Variants in WDR4 observed in about 807,000 individuals in gnomAD.
WDR4 encodes the protein WDR4 tRNA N7-guanosine methyltransferase non-catalytic subunit, also known as tRNA (guanine-N(7)-)-methyltransferase non-catalytic subunit WDR4.
WDR4 carries 47 observed loss-of-function variants against 48.6 expected under a neutral mutation model. The observed-to-expected ratio is 0.97, with a 90% CI of 0.77 to 1.23. The LOEUF is 1.23. Among genes scored for constraint, WDR4 ranks in the 50% most tolerant of loss-of-function variants. WDR4 has a pLI of 0.00. For synonymous variants in WDR4, 268 were observed against 230.0 expected, an observed-to-expected ratio of 1.17 and a Z score of -1.49; for missense variants, 606 against 551.6, an observed-to-expected ratio of 1.10 and a Z score of -0.99.
the WDR4 span, among the ~76,000 whole-genome samples, chr21:42,888,826 G>A: frequency 2.8e-3 from 419 of 151,222 alleles, 4 homozygotes; most frequent in African/African-American, 9.5e-3. Flanking sequence ...TCTGCCTCCC[G>A]AGTAGCTGGG....
chr21:42,859,094 C>G (rs978795427), intron 6 of WDR4, among the ~76,000 whole-genome samples: 1 of 152,202 alleles, frequency 6.6e-6, no homozygotes, highest in East Asian at 1.9e-4. Flanking sequence ...TGCTGGGACA[C>G]AGAAGCTGTA....
Position 42,850,137 on chromosome 21 carries a change from TCTAG to T in WDR4, c.1147_1150del (p.Leu383ArgfsTer20). ...GGGACTCCGGCGCCGCTGCTTCTTC[TCTAG>T]CTGCTGCTGCAGTCTCTCCTCTTTC... On this transcript the variant is annotated frameshift_variant, in exon 11 of 11. Coordinates refer to ENST00000398208, the MANE Select transcript of WDR4 (RefSeq NM_018669.6). LOFTEE classifies it low-confidence loss of function (END_TRUNC). 1 of 1,614,110 alleles carries T rather than the reference TCTAG, an allele frequency of 6.2e-7. No individual in the cohort carries two copies. The highest frequency in any genetic ancestry group is 2.2e-5 in the East Asian group (1 of 44,878).
chr21:42,880,822 C>T (rs1466862041), upstream of WDR4, among the ~76,000 whole-genome samples: 1 of 152,158 alleles, frequency 6.6e-6, no homozygotes, highest in Non-Finnish European at 1.5e-5. Context: ...GTTCTGTCCA[C>T]ATTTTGGCAG....
At chr21:42,874,936 C>T (rs910008252) in intron 2 of WDR4, among the ~76,000 whole-genome samples, 20 of 152,272 alleles carry the variant, frequency 1.3e-4, no homozygotes, top group Admixed American at 1.2e-3. Context: ...ACACTCCCTC[C>T]CCTTCTGAAA....
At chr21:42,865,833 T>A (rs549081340) in intron 3 of WDR4, among the ~76,000 whole-genome samples, 1 of 151,136 alleles carries the variant, frequency 6.6e-6, no homozygotes. Context: ...TAACCACCCA[T>A]CTCCACACCC....
upstream of WDR4, chr21:42,883,748 G>C (rs1427740408): frequency 6.5e-6 from 1 of 153,596 alleles, no homozygotes; most frequent in Non-Finnish European, 1.5e-5. Flanking sequence ...TTCAGAAGGA[G>C]CGTGGCCCAG....
chr21:42,855,381 C>T (rs1400622966), intron 7 of WDR4, among the ~76,000 whole-genome samples: 3 of 152,206 alleles, frequency 2.0e-5, no homozygotes, highest in African/African-American at 7.2e-5. Flanking sequence ...CCCACCCCTG[C>T]CCCACCTGGC....
At chr21:42,877,196 T>A (rs1196393238) in intron 1 of WDR4, among the ~76,000 whole-genome samples, 1 of 137,144 alleles carries the variant, frequency 7.3e-6, no homozygotes, top group African/African-American at 2.8e-5. Context: ...CAGGCTGGAG[T>A]GCAAGGGCAT....
In WDR4 at chr21:42,868,199, G is replaced by C. The variant is rs567709177; in HGVS notation, c.297-4603C>G. Among the ~76,000 whole-genome samples, 411 of 152,250 alleles carry C rather than the reference G, an allele frequency of 2.7e-3. 1 individual carries two copies. The highest frequency in any genetic ancestry group is 9.6e-3 in the African/African-American group (397 of 41,554). On this transcript the variant is annotated intron_variant, in intron 3 of 10. Coordinates refer to ENST00000398208, the MANE Select transcript of WDR4 (RefSeq NM_018669.6). ...TGGAGGAGTCAGAACCCCTGGAGGA[G>C]CCCTGGGCCTCCGCGCTTCCATCAG... is the stretch of plus-strand genomic sequence containing the variant.
intron 4 of WDR4, 68 bp downstream of exon 4, chr21:42,863,372 G>A (rs773824447): frequency 9.8e-6 from 15 of 1,533,410 alleles, no homozygotes; most frequent in Middle Eastern, 1.8e-4. Context: ...TATGCCCCAC[G>A]TGCCACGTCC....
At chr21:42,858,025 G>C (rs995001997) in intron 6 of WDR4, among the ~76,000 whole-genome samples, 1 of 152,172 alleles carries the variant, frequency 6.6e-6, no homozygotes, top group African/African-American at 2.4e-5. Flanking sequence ...CCGGGAGGCA[G>C]AGGCTGCAGT....
chr21:42,879,152 C>G (rs1264394811), intron 1 of WDR4: 3 of 1,291,250 alleles, frequency 2.3e-6, no homozygotes, highest in Non-Finnish European at 9.8e-7. Context: ...AAGAACACCG[C>G]AGACCAGCCA....
intron 3 of WDR4, among the ~76,000 whole-genome samples, chr21:42,867,116 C>T (rs1013805071): frequency 2.6e-5 from 4 of 152,220 alleles, no homozygotes; most frequent in Non-Finnish European, 4.4e-5. Flanking sequence ...GCAGGCCGGG[C>T]GCAGTGGCTC....
intron 1 of WDR4, among the ~76,000 whole-genome samples, chr21:42,878,035 ACTC>A (rs1169562177): frequency 5.5e-5 from 6 of 108,810 alleles, no homozygotes; most frequent in Non-Finnish European, 8.9e-5. Context: ...ACAAAGCGAG[ACTC>A]CTCAAAAAAA....
chr21:42,872,574 G>A (rs998561807), intron 3 of WDR4, among the ~76,000 whole-genome samples: 2 of 146,952 alleles, frequency 1.4e-5, no homozygotes, highest in African/African-American at 5.1e-5. Flanking sequence ...TCACACCACC[G>A]CACTCCAGCC....
intron 1 of WDR4, chr21:42,879,102 G>A (rs1228676347): frequency 1.7e-6 from 2 of 1,185,712 alleles, no homozygotes; most frequent in African/African-American, 1.6e-5. Context: ...CCCCGCCGGC[G>A]CCGCGGAGAC....
chr21:42,879,099 G>T, intron 1 of WDR4: 3 of 1,181,122 alleles, frequency 2.5e-6, no homozygotes, highest in East Asian at 4.0e-5. Context: ...GGTCCCCGCC[G>T]GCGCCGCGGA....
chr21:42,879,262 G>T, intron 1 of WDR4, 145 bp downstream of exon 1: 7 of 1,369,840 alleles, frequency 5.1e-6, no homozygotes, highest in Non-Finnish European at 6.6e-6. Flanking sequence ...CCGAGACTGC[G>T]GCGGAGGACT....
chr21:42,846,420 T>C (rs2057711822), downstream of WDR4, among the ~76,000 whole-genome samples: 1 of 152,042 alleles, frequency 6.6e-6, no homozygotes, highest in Admixed American at 6.5e-5. Context: ...AACATGGGCG[T>C]GGGGGCTTCT....
Sources: allele counts gnomAD v4.1 joint callset (sites outside exome capture counted in the v4.1 genomes callset), GRCh38; gene constraint gnomAD v4.1.1; transcripts MANE v1.5; gene names NCBI Gene and HGNC (gene_info 2026-07-23, HGNC 2026-07-21).